EMP2: variants seen among roughly 807,000 people sequenced by gnomAD.
EMP2 encodes epithelial membrane protein 2.
Under a neutral mutation model 13.7 loss-of-function variants are expected in EMP2, and 19 were observed. The observed-to-expected ratio is 1.38, with a 90% CI of 0.97 to 2.03. The LOEUF is 2.03. Ranked by LOEUF, EMP2 falls within the 30% of genes most tolerant of loss-of-function variation. The probability of loss-of-function intolerance (pLI) is 0.00; values close to 1 mark genes in which losing one functional copy is unlikely to be tolerated. For missense variants in EMP2, 253 were observed against 220.7 expected (o/e 1.15, Z -0.93); for synonymous variants, 97 against 84.7 (o/e 1.15, Z -0.80).
At chr16:10,561,947 G>A (rs1458405471) in intron 1 of EMP2, among the ~76,000 whole-genome samples, 1 of 152,176 alleles carries the variant, frequency 6.6e-6, no homozygotes, top group Non-Finnish European at 1.5e-5. Context: ...TTCTCATGGA[G>A]GAAACTCCAG....
intron 1 of EMP2, among the ~76,000 whole-genome samples, chr16:10,562,534 T>A (rs1335418472): frequency 6.6e-6 from 1 of 152,116 alleles, no homozygotes; most frequent in African/African-American, 2.4e-5. Context: ...GCTGACCCAC[T>A]AGCTGACCAC....
At chr16:10,539,538 G>A (rs1041158941) in intron 3 of EMP2, among the ~76,000 whole-genome samples, 3 of 152,054 alleles carry the variant, frequency 2.0e-5, no homozygotes, top group Non-Finnish European at 2.9e-5. Flanking sequence ...GGTTGCCCTC[G>A]GGGCAGAAAG....
chr16:10,558,478 AGT>A lies in EMP2; in HGVS notation c.-60-10803_-60-10802del, dbSNP rs61441812. Among the ~76,000 whole-genome samples, 519 of 149,872 alleles carry A rather than the reference AGT, an allele frequency of 3.5e-3. 5 individuals are homozygous for A. Among genetic ancestry groups the A allele is most frequent in the South Asian group, 0.012 (58 of 4,720 alleles). On this transcript the variant is annotated intron_variant, in intron 1 of 4. Coordinates refer to ENST00000359543, the MANE Select transcript of EMP2 (RefSeq NM_001424.6). Reference sequence around the variant, plus strand: ...ATGCCTTAGTCCAATGTTTGCTTAAAGTGTGTGTGTGTGTGTGTGTGTGTGTG... The same window carrying A: ...ATGCCTTAGTCCAATGTTTGCTTAAAGTGTGTGTGTGTGTGTGTGTGTGTG...
chr16:10,570,205 G>A (rs2050937446), intron 1 of EMP2, among the ~76,000 whole-genome samples: 1 of 149,784 alleles, frequency 6.7e-6, no homozygotes, highest in African/African-American at 2.5e-5. Flanking sequence ...GCTAGAAAGT[G>A]TCCCTGAAAA....
In EMP2 at chr16:10,529,085, A is replaced by G. The variant is rs1310896293; in HGVS notation, c.*3820T>C. The G allele has an allele frequency of 1.3e-5, 2 of 152,168 alleles. No homozygotes were observed. The highest frequency in any genetic ancestry group is 2.9e-5 in the Non-Finnish European group (2 of 68,036). 9.4% of individuals were successfully genotyped at this position (152,168 alleles called of 1,614,324 possible). On this transcript the variant is annotated 3_prime_UTR_variant, in exon 5 of 5. Transcript: ENST00000359543. ...ATTCTCCAAACTCATTTGAACAGAG[A>G]CCCAAAATAATTTTAATGCAAATAA...
At chr16:10,552,142 T>C (rs2050793238) in intron 1 of EMP2, among the ~76,000 whole-genome samples, 1 of 150,372 alleles carries the variant, frequency 6.7e-6, no homozygotes, top group East Asian at 2.0e-4. Context: ...TTTTAATAGA[T>C]GCATTTCTGA....
At chr16:10,553,311 A>G (rs2050802383) in intron 1 of EMP2, among the ~76,000 whole-genome samples, 1 of 152,176 alleles carries the variant, frequency 6.6e-6, no homozygotes, top group Admixed American at 6.5e-5. Context: ...GATTGCGAGA[A>G]CACTTATTCT....
chr16:10,578,129 GT>G (rs2050996987), intron 1 of EMP2: 1 of 152,306 alleles, frequency 6.6e-6, no homozygotes, highest in East Asian at 1.9e-4. Flanking sequence ...GTCTGGCGGA[GT>G]TTACTATGAC....
intron 1 of EMP2, among the ~76,000 whole-genome samples, chr16:10,556,538 A>G (rs2142193958): frequency 6.6e-6 from 1 of 152,340 alleles, no homozygotes; most frequent in East Asian, 1.9e-4. Flanking sequence ...AACTGTGGGC[A>G]GGACAGAGGG....
chr16:10,564,522 C>A (rs931317520), intron 1 of EMP2, among the ~76,000 whole-genome samples: 1 of 150,758 alleles, frequency 6.6e-6, no homozygotes, highest in African/African-American at 2.4e-5. Flanking sequence ...GGTAATTCTG[C>A]CCTGTCCCTA....
At chr16:10,558,090 C>T (rs1596377686) in intron 1 of EMP2, among the ~76,000 whole-genome samples, 1 of 150,884 alleles carries the variant, frequency 6.6e-6, no homozygotes, top group East Asian at 2.0e-4. Context: ...AGTGCAGTGG[C>T]TCAAACATTG....
chr16:10,565,407 C>T (rs990902182), intron 1 of EMP2, among the ~76,000 whole-genome samples: 5 of 152,132 alleles, frequency 3.3e-5, no homozygotes, highest in East Asian at 3.9e-4. Flanking sequence ...CTGACTTCCT[C>T]GGAACAAGAA....
chr16:10,563,508 T>C (rs1167222003), intron 1 of EMP2, among the ~76,000 whole-genome samples: 2 of 152,170 alleles, frequency 1.3e-5, no homozygotes, highest in Non-Finnish European at 2.9e-5. Flanking sequence ...TCCTCTTTCA[T>C]AAGTGACAAG....
At chr16:10,563,427 A>C (rs528304482) in intron 1 of EMP2, among the ~76,000 whole-genome samples, 5 of 152,260 alleles carry the variant, frequency 3.3e-5, no homozygotes, top group African/African-American at 1.2e-4. Flanking sequence ...CCTGACCTCA[A>C]ATGATCCACC....
intron 1 of EMP2, among the ~76,000 whole-genome samples, chr16:10,551,306 T>C (rs1474865505): frequency 6.6e-6 from 1 of 152,232 alleles, no homozygotes. Context: ...CCATCCATGA[T>C]GTGGCATGTG....
chr16:10,542,567 G>A (rs1292147124), intron 3 of EMP2, among the ~76,000 whole-genome samples: 2 of 152,004 alleles, frequency 1.3e-5, no homozygotes, highest in East Asian at 1.9e-4. Flanking sequence ...ATTTAACCGG[G>A]TATACTGTAT....
intron 1 of EMP2, among the ~76,000 whole-genome samples, chr16:10,577,322 C>A (rs2050990353): frequency 6.6e-6 from 1 of 152,210 alleles, no homozygotes; most frequent in South Asian, 2.1e-4. Flanking sequence ...CAGGTGCCCT[C>A]ATCACCACCA....
At chr16:10,533,498 G>A (rs933262180) in intron 4 of EMP2, among the ~76,000 whole-genome samples, 1 of 152,080 alleles carries the variant, frequency 6.6e-6, no homozygotes, top group Non-Finnish European at 1.5e-5. Context: ...CAACCCAGAG[G>A]GTGAACATAA....
rs1452204488 is a variant in EMP2 at position 10,574,923 on chromosome 16, T to C, written c.-61+5626A>G. Among the ~76,000 whole-genome samples, 5 of 152,038 alleles carry C rather than the reference T, an allele frequency of 3.3e-5. No individual in the cohort carries two copies. In the East Asian group the frequency reaches 9.7e-4, roughly 29 times the overall value. ...CAGGCTGGAGTACGTGGAACAATCATAGCTCACTGCATCCTCAAAGTGGCA... is the reference window on the plus strand; with the variant it reads ...CAGGCTGGAGTACGTGGAACAATCACAGCTCACTGCATCCTCAAAGTGGCA... On this transcript the variant is annotated intron_variant, in intron 1 of 4. Transcript: ENST00000359543.
Sources: gnomAD v4.1 joint callset for allele counts (sites outside exome capture counted in the v4.1 genomes callset) on GRCh38, gnomAD v4.1.1 for gene constraint, MANE v1.5 for transcripts, NCBI Gene and HGNC (gene_info 2026-07-23, HGNC 2026-07-21) for gene names.